The following PHF24 variants were observed in gnomAD, a reference collection of about 807,000 sequenced individuals.
PHF24 encodes the protein Galpha inhibitory interacting protein.
Under a neutral mutation model 42.6 loss-of-function variants are expected in PHF24, and 25 were observed. The observed-to-expected ratio is 0.59, with a 90% CI of 0.43 to 0.82. PHF24 has a LOEUF of 0.82. Ranked by LOEUF, PHF24 falls within the 40% of genes least tolerant of loss-of-function variation. The pLI is 0.00. For synonymous variants in PHF24, 185 were observed against 204.8 expected, an observed-to-expected ratio of 0.90 and a Z score of 0.83; for missense variants, 470 against 538.1, an observed-to-expected ratio of 0.87 and a Z score of 1.25.
chr9:34,972,282 G>T, intron 2 of PHF24, 64 bp from the exon 3 acceptor site: 1 of 1,455,622 alleles, frequency 6.9e-7, no homozygotes. Context: ...TCTGTGCTTA[G>T]TGGCCTTGGA....
At chr9:34,923,406 A>G in the PHF24 span, among the ~76,000 whole-genome samples, 5 of 152,148 alleles carry the variant, frequency 3.3e-5, no homozygotes, top group Non-Finnish European at 7.4e-5. Context: ...GATTGGTATT[A>G]GTCCTTCTTT....
the PHF24 span, among the ~76,000 whole-genome samples, chr9:34,856,583 T>G: frequency 6.6e-6 from 1 of 152,318 alleles, no homozygotes; most frequent in South Asian, 2.1e-4. Flanking sequence ...GTTGCCTTGG[T>G]CCCTCCTGCA....
intron 1 of PHF24, 47 bp from the exon 2 acceptor site, chr9:34,971,248 T>G: frequency 1.2e-5 from 18 of 1,540,594 alleles, no homozygotes; most frequent in Non-Finnish European, 1.6e-5. Flanking sequence ...TAGCCTGACA[T>G]CCTCAGCCAT....
chr9:34,721,730 C>G, the PHF24 span, among the ~76,000 whole-genome samples: 1 of 152,240 alleles, frequency 6.6e-6, no homozygotes, highest in East Asian at 1.9e-4. Context: ...CTCTGGAATC[C>G]ACTCCAGTCA....
the PHF24 span, among the ~76,000 whole-genome samples, chr9:34,943,672 T>C: frequency 7.9e-5 from 12 of 152,162 alleles, no homozygotes; most frequent in African/African-American, 2.9e-4. Flanking sequence ...TTCATCACAG[T>C]ATATATTGGT....
At chr9:34,761,520 T>C in the PHF24 span, among the ~76,000 whole-genome samples, 3 of 152,260 alleles carry the variant, frequency 2.0e-5, no homozygotes, top group Admixed American at 1.3e-4. Context: ...AAAGATGAAG[T>C]ACCTTCTCAA....
chr9:34,980,630 C>T (rs915109651), exon 8 of PHF24: 3 of 152,242 alleles, frequency 2.0e-5, no homozygotes, highest in African/African-American at 7.2e-5. Context: ...ATCCCCAGAG[C>T]CCCTCTGCGG....
the PHF24 span, among the ~76,000 whole-genome samples, chr9:34,671,517 G>A: frequency 6.6e-6 from 1 of 152,182 alleles, no homozygotes; most frequent in Non-Finnish European, 1.5e-5. Flanking sequence ...TTATACCCCA[G>A]GGCAATGTGA....
the PHF24 span, among the ~76,000 whole-genome samples, chr9:34,692,850 G>A: frequency 1.1e-4 from 16 of 140,688 alleles, no homozygotes; most frequent in African/African-American, 3.7e-4. Flanking sequence ...ACAATGGCAC[G>A]ATCTTGGCTC....
the PHF24 span, among the ~76,000 whole-genome samples, chr9:34,939,348 G>T: frequency 6.6e-6 from 1 of 152,208 alleles, no homozygotes. Context: ...CCTCCAAGAA[G>T]TAGATGCCAA....
chr9:34,854,783 C>T, the PHF24 span, among the ~76,000 whole-genome samples: 1 of 152,228 alleles, frequency 6.6e-6, no homozygotes, highest in Non-Finnish European at 1.5e-5. Flanking sequence ...CTGTAGATAT[C>T]GATCAGGTCC....
chr9:34,958,213 G>C (rs1247879578), upstream of PHF24: 1 of 152,842 alleles, frequency 6.5e-6, no homozygotes, highest in African/African-American at 2.6e-5. The surrounding 1 kb of genome is among the most constrained non-coding windows in gnomAD (Gnocchi z 4.5). Flanking sequence ...GGGTGGGTGT[G>C]CTCCGGCCGC....
chr9:34,811,590 T>C, the PHF24 span, among the ~76,000 whole-genome samples: 6 of 152,178 alleles, frequency 3.9e-5, no homozygotes, highest in Non-Finnish European at 1.5e-5. Flanking sequence ...AAGATATAAA[T>C]TTCTTGTTCT....
chr9:34,783,236 G>A, the PHF24 span, among the ~76,000 whole-genome samples: 3 of 152,148 alleles, frequency 2.0e-5, no homozygotes, highest in Non-Finnish European at 4.4e-5. Context: ...AGTCATAAGC[G>A]TGAAAGGAAG....
the PHF24 span, among the ~76,000 whole-genome samples, chr9:34,722,856 T>C: frequency 6.6e-6 from 1 of 152,164 alleles, no homozygotes; most frequent in Non-Finnish European, 1.5e-5. Flanking sequence ...GTGGGATGGA[T>C]GGTAAATGTT....
At chr9:34,716,151 C>A in the PHF24 span, among the ~76,000 whole-genome samples, 1 of 152,116 alleles carries the variant, frequency 6.6e-6, no homozygotes, top group Admixed American at 6.5e-5. Flanking sequence ...GACTGTGCAG[C>A]CGTTACTGAA....
At chr9:34,928,272 A>G in the PHF24 span, among the ~76,000 whole-genome samples, 2 of 151,794 alleles carry the variant, frequency 1.3e-5, no homozygotes, top group East Asian at 3.9e-4. Context: ...GACTATAGCC[A>G]ATAATAATTG....
At chr9:34,977,188 G>T (rs1056158641) in exon 6 of PHF24, 2 of 1,613,680 alleles carry the variant, frequency 1.2e-6, no homozygotes, top group South Asian at 1.1e-5. Context: ...GTGCCGCCGG[G>T]CCCAGCACTC....
the PHF24 span, among the ~76,000 whole-genome samples, chr9:34,896,502 G>C: frequency 1.3e-5 from 2 of 152,192 alleles, no homozygotes; most frequent in Non-Finnish European, 2.9e-5. Flanking sequence ...TACAAGGCTT[G>C]ATTTTTCCAG....
Sources: gnomAD v4.1 joint callset for allele counts (sites outside exome capture counted in the v4.1 genomes callset) on GRCh38, gnomAD v4.1.1 for gene constraint, Gnocchi (gnomAD v3.1) non-coding constraint, MANE v1.5 for transcripts, NCBI Gene and HGNC (gene_info 2026-07-23, HGNC 2026-07-21) for gene names.